Variants in PTPA observed in about 807,000 individuals in gnomAD.
The protein encoded by PTPA is serine/threonine-protein phosphatase 2A activator.
PTPA carries 13 observed loss-of-function variants against 43.6 expected under a neutral mutation model. That is an observed-to-expected ratio of 0.30 (90% CI 0.19 to 0.47). The LOEUF (loss-of-function observed/expected upper bound fraction) is 0.47. Ranked by LOEUF, PTPA falls within the 20% of genes least tolerant of loss-of-function variation. The pLI is 0.99. For missense variants in PTPA, 329 were observed against 411.9 expected (o/e 0.80, Z 1.74); for synonymous variants, 172 against 158.2 (o/e 1.09, Z -0.66).
intron 2 of PTPA, among the ~76,000 whole-genome samples, chr9:129,122,394 T>C (rs1194498303): frequency 6.6e-6 from 1 of 152,182 alleles, no homozygotes; most frequent in African/African-American, 2.4e-5. Flanking sequence ...TGAGCCACAA[T>C]ACCTGACCCT....
At chr9:129,122,303 A>G (rs988096496) in intron 2 of PTPA, among the ~76,000 whole-genome samples, 6 of 152,002 alleles carry the variant, frequency 3.9e-5, no homozygotes, top group African/African-American at 9.7e-5. Flanking sequence ...GGGTCTCACT[A>G]TGTTGCCCAG....
chr9:129,111,967 T>G (rs1305395771), intron 1 of PTPA: 2 of 340,494 alleles, frequency 5.9e-6, no homozygotes, highest in Non-Finnish European at 1.0e-5. Context: ...AGCTGCTGAC[T>G]CGGTGGGGAA....
intron 2 of PTPA, among the ~76,000 whole-genome samples, chr9:129,121,473 A>AGGGGGCAGCTTAGTCCCTTCG (rs1564186428): frequency 6.6e-6 from 1 of 152,030 alleles, no homozygotes; most frequent in Non-Finnish European, 1.5e-5. Flanking sequence ...CAGTCCCTTC[A>AGGGGGCAGCTTAGTCCCTTCG]GCCTAGGGGG....
intron 9 of PTPA, chr9:129,143,444 G>A (rs1851047778): frequency 1.4e-6 from 1 of 702,902 alleles, no homozygotes; most frequent in Admixed American, 2.0e-5. Context: ...CTCCTGGCCG[G>A]CCTTCTCTTC....
At chr9:129,138,482 CTT>C (rs1850532333) in intron 8 of PTPA, among the ~76,000 whole-genome samples, 1 of 152,210 alleles carries the variant, frequency 6.6e-6, no homozygotes, top group Admixed American at 6.5e-5. Flanking sequence ...CTGGACCTCT[CTT>C]GAGGGAGGTG....
intron 1 of PTPA, among the ~76,000 whole-genome samples, chr9:129,120,282 G>A (rs1293871622): frequency 6.6e-6 from 1 of 151,920 alleles, no homozygotes; most frequent in African/African-American, 2.4e-5. Flanking sequence ...AAATTAGCTG[G>A]GTGTGGTGGC....
At chr9:129,123,216 G>T in intron 3 of PTPA, 78 bp downstream of exon 3, 1 of 1,285,044 alleles carries the variant, frequency 7.8e-7, no homozygotes, top group Non-Finnish European at 1.1e-6. Context: ...GCTCACCTCT[G>T]TAATCTCAGC....
chr9:129,117,677 T>C (rs1848968574), intron 1 of PTPA, among the ~76,000 whole-genome samples: 1 of 150,982 alleles, frequency 6.6e-6, no homozygotes, highest in South Asian at 2.1e-4. Flanking sequence ...AGTGTTGGGA[T>C]TACAGGTGTG....
chr9:129,110,968 G>C (rs776722448), upstream of PTPA: 3 of 1,370,730 alleles, frequency 2.2e-6, no homozygotes, highest in Non-Finnish European at 2.9e-6. This position sits in a 1 kb window ranked among gnomAD's most constrained non-coding sequence, Gnocchi z 5.3. Context: ...CTGTGGAGGA[G>C]GAAGGAGGAG....
intron 9 of PTPA, among the ~76,000 whole-genome samples, chr9:129,146,026 C>T (rs1033733197): frequency 1.3e-5 from 2 of 151,828 alleles, no homozygotes; most frequent in African/African-American, 2.4e-5. Flanking sequence ...CTGCCTCCAC[C>T]CCTTCTCGCC....
intron 8 of PTPA, chr9:129,139,962 GT>G: frequency 6.6e-6 from 1 of 152,516 alleles, no homozygotes; most frequent in East Asian, 1.9e-4. Flanking sequence ...AAGAATTTCA[GT>G]TTCAATCTGG....
At position 129,137,888 on chromosome 9, in the gene PTPA, C is replaced by T. The variant is rs117908803; in HGVS notation, c.786+196C>T. On this transcript the variant is annotated intron_variant, in intron 8 of 9. Transcript: ENST00000393370. The stretch of plus-strand genomic sequence containing the variant: ...GCTGCTGACTGTCAGGTCCTCCGCC[C>T]AGTTCTCCTTCAGTTTCTCCTGAAC... The T allele has an allele frequency of 4.7e-3, 2,928 of 621,068 alleles. 15 individuals are homozygous for T. Among genetic ancestry groups the T allele is most frequent in the Non-Finnish European group, 6.9e-3 (2,321 of 335,554 alleles). The allele number at this position is 621,068 out of a possible 1,614,324, so 38.5% of individuals were successfully genotyped here. A position where few individuals can be genotyped will look rare whatever the true frequency, so the allele number is the denominator to read the frequency against.
chr9:129,120,802 G>A (rs1849204724), intron 2 of PTPA, among the ~76,000 whole-genome samples, 192 bp downstream of exon 2: 2 of 152,192 alleles, frequency 1.3e-5, no homozygotes, highest in Non-Finnish European at 2.9e-5. Flanking sequence ...TATCAGGAAG[G>A]TTGCCTACTT....
At chr9:129,131,930 C>G (rs1461457703) in intron 5 of PTPA, among the ~76,000 whole-genome samples, 2 of 152,272 alleles carry the variant, frequency 1.3e-5, no homozygotes, top group South Asian at 4.1e-4. Flanking sequence ...GGTCTCTGAG[C>G]TCCTCATCAT....
chr9:129,123,974 C>T (rs570562559), intron 3 of PTPA, among the ~76,000 whole-genome samples: 10 of 147,464 alleles, frequency 6.8e-5, no homozygotes, highest in Admixed American at 6.1e-4. Flanking sequence ...TGAGCCACTG[C>T]GCCTGGCCTG....
intron 1 of PTPA, chr9:129,111,841 G>A: frequency 8.4e-7 from 1 of 1,196,660 alleles, no homozygotes; most frequent in Non-Finnish European, 1.0e-6. Context: ...GCAAAGGGGT[G>A]GTGATTGGGG....
Position 129,147,763 on chromosome 9 carries a change from C to G in PTPA, c.*299C>G, listed in dbSNP as rs926926864. On this transcript the variant is annotated 3_prime_UTR_variant, in exon 10 of 10. Coordinates refer to ENST00000393370, the MANE Select transcript of PTPA (RefSeq NM_178000.3). ...CTCTCCTGTTTCTGGCCTCTTCTCC[C>G]TTCACTCCCGTCCAGTCTGGTTTTG... 3 of 402,308 alleles carry G rather than the reference C, an allele frequency of 7.5e-6. No homozygotes were observed. Among genetic ancestry groups the G allele is most frequent in the Non-Finnish European group, 1.4e-5 (3 of 213,938 alleles). The allele number at this position is 402,308 out of a possible 1,614,324, so 24.9% of individuals were successfully genotyped here.
intron 2 of PTPA, among the ~76,000 whole-genome samples, chr9:129,120,842 G>A (rs553405047): frequency 1.3e-5 from 2 of 152,314 alleles, no homozygotes; most frequent in East Asian, 3.9e-4. Context: ...TAGCCCGGGA[G>A]AGTTCCGCTC....
At chr9:129,133,394 C>T (rs1435132033) in intron 5 of PTPA, among the ~76,000 whole-genome samples, 1 of 152,178 alleles carries the variant, frequency 6.6e-6, no homozygotes, top group Non-Finnish European at 1.5e-5. Flanking sequence ...AACCCCTGAA[C>T]AATGGGAGCC....
Sources: gnomAD v4.1 joint callset for allele counts (sites outside exome capture counted in the v4.1 genomes callset) on GRCh38, gnomAD v4.1.1 for gene constraint, Gnocchi (gnomAD v3.1) non-coding constraint, MANE v1.5 for transcripts, NCBI Gene and HGNC (gene_info 2026-07-23, HGNC 2026-07-21) for gene names.